The following KAZN variants were observed in gnomAD, a reference collection of about 807,000 sequenced individuals.
KAZN encodes the protein kazrin.
In KAZN, 40 loss-of-function variants were observed where a neutral mutation model predicts 87.4. That is an observed-to-expected ratio of 0.46 (90% CI 0.36 to 0.60). The LOEUF (loss-of-function observed/expected upper bound fraction) is 0.60, where lower values mean the gene tolerates loss of function less well. Among genes scored for constraint, KAZN ranks in the 20% least tolerant of loss-of-function variants. The probability of loss-of-function intolerance (pLI) is 0.00; values close to 1 mark genes in which losing one functional copy is unlikely to be tolerated. For missense variants in KAZN, 898 were observed against 1,073.9 expected, an observed-to-expected ratio of 0.84 and a Z score of 2.29; for synonymous variants, 466 against 458.3, an observed-to-expected ratio of 1.02 and a Z score of -0.22.
intron 13 of KAZN, chr1:15,112,201 C>T: frequency 5.3e-6 from 3 of 567,866 alleles, no homozygotes; most frequent in Non-Finnish European, 6.3e-6. Flanking sequence ...CCTCCTTTCC[C>T]TGTAATGCTG....
At chr1:14,417,603 G>GCA (rs1664905649) in intron 2 of KAZN, among the ~76,000 whole-genome samples, 3 of 152,150 alleles carry the variant, frequency 2.0e-5, no homozygotes, top group African/African-American at 7.2e-5. Flanking sequence ...GAAACAGGTG[G>GCA]CTACTGTACG....
At chr1:14,203,547 G>C (rs755847735) in intron 2 of KAZN, among the ~76,000 whole-genome samples, 4 of 152,216 alleles carry the variant, frequency 2.6e-5, no homozygotes, top group Non-Finnish European at 5.9e-5. Context: ...ATTTCAATTA[G>C]AGGAAAGAGA....
chr1:13,991,554 A>G (rs1382549149), intron 1 of KAZN, among the ~76,000 whole-genome samples: 1 of 152,156 alleles, frequency 6.6e-6, no homozygotes, highest in Non-Finnish European at 1.5e-5. Flanking sequence ...TTAGGGAGTG[A>G]TGCATTTTGA....
chr1:14,084,240 T>A (rs541089450), intron 1 of KAZN, among the ~76,000 whole-genome samples: 22 of 152,218 alleles, frequency 1.4e-4, no homozygotes, highest in African/African-American at 5.1e-4. Context: ...GAAGTTGAGA[T>A]GAACAGGAGT....
rs1297512586 is a variant in KAZN, at chr1:14,354,680, ACACACAC to A, written c.249+174089_249+174095del. ...CACACACACACACACACACACACAC[ACACACAC>A]AAACAAACCTGACAATGCCAAATGT... is the stretch of plus-strand genomic sequence containing the variant. On this transcript the variant is annotated intron_variant, in intron 2 of 16. Coordinates refer to the KAZN transcript ENST00000636203. Among the ~76,000 whole-genome samples the A allele has an allele frequency of 3.3e-3, 506 of 151,888 alleles. 2 individuals are homozygous for A. The highest frequency in any genetic ancestry group is 0.012 in the African/African-American group (477 of 41,412).
chr1:14,598,870 G>T lies in KAZN; in HGVS notation c.-128G>T. On this transcript the variant is annotated 5_prime_UTR_variant, in exon 1 of 15. Coordinates refer to ENST00000376030, the MANE Select transcript of KAZN (RefSeq NM_201628.3). This position sits in a 1 kb window ranked among gnomAD's most constrained non-coding sequence, Gnocchi z 4.2. ...GAACCGGCGCTGCCGGTGCCTGGGG[G>T]TCGGGGCGCGGGCGAAGCCGGGCCG... is the stretch of plus-strand genomic sequence containing the variant. 1 of 1,448,032 alleles carries T rather than the reference G, an allele frequency of 6.9e-7. No homozygotes were observed. Among genetic ancestry groups the T allele is most frequent in the African/African-American group, 1.5e-5 (1 of 66,478 alleles). The allele number at this position is 1,448,032 out of a possible 1,614,324, so 89.7% of individuals were successfully genotyped here. A position where few individuals can be genotyped will look rare whatever the true frequency, so the allele number is the denominator to read the frequency against.
At chr1:14,394,829 T>G (rs1244391631) in intron 2 of KAZN, among the ~76,000 whole-genome samples, 1 of 152,180 alleles carries the variant, frequency 6.6e-6, no homozygotes, top group Non-Finnish European at 1.5e-5. Context: ...CTTACAGATA[T>G]GGGGACAGTA....
intron 1 of KAZN, among the ~76,000 whole-genome samples, chr1:14,910,078 A>AATGC (rs1224225892): frequency 6.6e-6 from 1 of 152,082 alleles, no homozygotes; most frequent in East Asian, 1.9e-4. Context: ...TGAATGAATG[A>AATGC]ATGAATGAAT....
At chr1:14,443,250 C>T (rs1232053509) in intron 2 of KAZN, among the ~76,000 whole-genome samples, 1 of 152,218 alleles carries the variant, frequency 6.6e-6, no homozygotes, top group Non-Finnish European at 1.5e-5. Context: ...GGCCCCAGTG[C>T]TCTGCAAGAA....
At chr1:14,482,034 A>G (rs1276346378) in intron 2 of KAZN, among the ~76,000 whole-genome samples, 1 of 152,202 alleles carries the variant, frequency 6.6e-6, no homozygotes, top group East Asian at 1.9e-4. Context: ...CAAAGGCTTC[A>G]TCCACGTGGA....
At chr1:15,058,446 G>A (rs985539540) in intron 5 of KAZN, among the ~76,000 whole-genome samples, 10 of 152,222 alleles carry the variant, frequency 6.6e-5, no homozygotes, top group African/African-American at 7.2e-5. Context: ...CTGGCATGCC[G>A]CCTGCACATG....
intron 1 of KAZN, among the ~76,000 whole-genome samples, chr1:14,638,162 A>T (rs137879810): frequency 6.6e-6 from 1 of 152,180 alleles, no homozygotes; most frequent in African/African-American, 2.4e-5. Context: ...GTCTCAACGA[A>T]TCACCTCTGC....
At position 15,066,543 on chromosome 1, in the gene KAZN, G is replaced by A. The variant is rs1639238956; in HGVS notation, c.1222+790G>A. ...GGCCTACCAGTTTTTAAATTGCATT[G>A]CCGTTTCTTTCTTTATGAAAAAAAA... is the stretch of plus-strand genomic sequence containing the variant. On this transcript the variant is annotated intron_variant, in intron 8 of 14. Transcript: ENST00000376030. This position sits in a 1 kb window ranked among gnomAD's most constrained non-coding sequence, Gnocchi z 4.3. 2.0e-6 allele frequency: 2 copies of A among 985,142 alleles called. No individual in the cohort carries two copies. The highest frequency in any genetic ancestry group is 9.4e-5 in the South Asian group (2 of 21,276). The allele number at this position is 985,142 out of a possible 1,614,324, so 61.0% of individuals were successfully genotyped here. A position where few individuals can be genotyped will look rare whatever the true frequency, so the allele number is the denominator to read the frequency against.
rs532779646 is a variant in KAZN, at chr1:14,430,947, G to A, written c.250-168036G>A. Among the ~76,000 whole-genome samples, 43 of 152,316 alleles carry A rather than the reference G, an allele frequency of 2.8e-4. 1 individual carries two copies. The Middle Eastern group carries it at 0.017, about 60-fold the overall frequency. On this transcript the variant is annotated intron_variant, in intron 2 of 16. Coordinates refer to the KAZN transcript ENST00000636203. ...GCTCTGTCGCCACAGCCTCCTTAGG[G>A]AAGACTCCTGGAACCCATGACCTCA...
At chr1:14,294,612 G>T (rs943796524) in intron 2 of KAZN, among the ~76,000 whole-genome samples, 1 of 148,354 alleles carries the variant, frequency 6.7e-6, no homozygotes, top group African/African-American at 2.5e-5. Context: ...AGAGATGGGG[G>T]TTCTTCTTTC....
intron 2 of KAZN, among the ~76,000 whole-genome samples, chr1:14,305,930 G>A (rs1026948407): frequency 1.3e-5 from 2 of 152,142 alleles, no homozygotes; most frequent in African/African-American, 4.8e-5. Context: ...GGGTAGAGAA[G>A]CTCTTGATGC....
intron 2 of KAZN, among the ~76,000 whole-genome samples, chr1:14,299,190 TAAGA>T (rs1204211895): frequency 6.6e-6 from 1 of 152,070 alleles, no homozygotes; most frequent in Non-Finnish European, 1.5e-5. Context: ...GGGAAACAGA[TAAGA>T]AACGAAACAA....
chr1:14,879,767 C>T (rs920248478), intron 1 of KAZN, among the ~76,000 whole-genome samples: 1 of 152,214 alleles, frequency 6.6e-6, no homozygotes. Context: ...CCGTCCCCCA[C>T]AGCATGGACA....
At chr1:14,447,476 T>C (rs1049530878) in intron 2 of KAZN, among the ~76,000 whole-genome samples, 3 of 152,148 alleles carry the variant, frequency 2.0e-5, no homozygotes, top group Non-Finnish European at 4.4e-5. Flanking sequence ...TTTCACTCGG[T>C]GATCCACCCG....
Sources: allele counts gnomAD v4.1 joint callset (sites outside exome capture counted in the v4.1 genomes callset), GRCh38; gene constraint gnomAD v4.1.1; non-coding constraint Gnocchi (gnomAD v3.1); transcripts MANE v1.5; gene names NCBI Gene and HGNC (gene_info 2026-07-23, HGNC 2026-07-21).